The following PIK3AP1 variants were observed in gnomAD, a reference collection of about 807,000 sequenced individuals.
PIK3AP1 encodes phosphoinositide-3-kinase adaptor protein 1.
In PIK3AP1, 21 loss-of-function variants were observed where a neutral mutation model predicts 88.1. The ratio of observed to expected loss-of-function variants is 0.24; its 90% CI spans 0.17 to 0.34. PIK3AP1 has a LOEUF of 0.34. Ranked by LOEUF, PIK3AP1 falls within the 10% of genes least tolerant of loss-of-function variation. The probability of loss-of-function intolerance (pLI) is 1.00; values close to 1 mark genes in which losing one functional copy is unlikely to be tolerated. For missense variants in PIK3AP1, 828 were observed against 1,035.7 expected (o/e 0.80, Z 2.75); for synonymous variants, 398 against 400.0 (o/e 1.00, Z 0.06).
intron 2 of PIK3AP1, among the ~76,000 whole-genome samples, chr10:96,684,369 A>G (rs551056): frequency 0.11 from 17,120 of 152,276 alleles, 3,060 homozygotes; most frequent in African/African-American, 0.38. Flanking sequence ...GTTTCCTCCC[A>G]GGTGCCAACT....
chr10:96,664,631 T>C (rs1271786076), intron 2 of PIK3AP1, among the ~76,000 whole-genome samples: 1 of 152,222 alleles, frequency 6.6e-6, no homozygotes, highest in Non-Finnish European at 1.5e-5. Context: ...ATGAGATTGA[T>C]GCTAATAGTG....
chr10:96,607,451 A>G (rs775733814), intron 14 of PIK3AP1, among the ~76,000 whole-genome samples: 1 of 152,168 alleles, frequency 6.6e-6, no homozygotes, highest in African/African-American at 2.4e-5. Context: ...GGAAGCAGCT[A>G]TCTATACTAT....
chr10:96,700,530 G>T (rs918065483), intron 2 of PIK3AP1, among the ~76,000 whole-genome samples: 2 of 152,180 alleles, frequency 1.3e-5, no homozygotes, highest in Non-Finnish European at 2.9e-5. Context: ...CACTATCCCA[G>T]CTGGGTATCT....
At chr10:96,710,641 G>T (rs149371354) in intron 1 of PIK3AP1, among the ~76,000 whole-genome samples, 2 of 151,936 alleles carry the variant, frequency 1.3e-5, no homozygotes, top group Non-Finnish European at 2.9e-5. Flanking sequence ...AATAATAATC[G>T]CAACAGCAAA....
At chr10:96,655,141 C>T (rs765953569) in intron 3 of PIK3AP1, among the ~76,000 whole-genome samples, 18 of 152,334 alleles carry the variant, frequency 1.2e-4, no homozygotes, top group African/African-American at 3.4e-4. Flanking sequence ...CCACCCGCCT[C>T]GGCCTCCCAA....
intron 1 of PIK3AP1, among the ~76,000 whole-genome samples, chr10:96,711,864 T>C (rs530458667): frequency 1.3e-5 from 2 of 148,590 alleles, no homozygotes; most frequent in Admixed American, 6.8e-5. Context: ...CATTCTCCTG[T>C]CTCAGCCTCC....
intron 1 of PIK3AP1, among the ~76,000 whole-genome samples, chr10:96,718,612 C>T (rs1182308134): frequency 6.6e-6 from 1 of 152,224 alleles, no homozygotes; most frequent in Non-Finnish European, 1.5e-5. Context: ...GGTTTGCCCA[C>T]CGGACTAGGG....
Position 96,648,645 on chromosome 10 carries a change from T to C in PIK3AP1, c.1185+14A>G. 6.3e-7 allele frequency: 1 copy of C among 1,584,316 alleles called. No homozygotes were observed. Among genetic ancestry groups the C allele is most frequent in the Non-Finnish European group, 8.5e-7 (1 of 1,170,038 alleles). ...TGCATTTCCAATCCTGGGCCCCTCC[T>C]GCCTTGACCTTACCACATACTCGTC... On this transcript the variant is annotated intron_variant, in intron 7 of 16. Transcript: ENST00000339364.
intron 16 of PIK3AP1, among the ~76,000 whole-genome samples, chr10:96,601,110 C>T (rs1197029283): frequency 6.6e-6 from 1 of 152,002 alleles, no homozygotes; most frequent in African/African-American, 2.4e-5. Context: ...TTGCTGAGTT[C>T]TCACTATAGG....
intron 1 of PIK3AP1, among the ~76,000 whole-genome samples, chr10:96,719,463 G>A (rs955518366): frequency 6.6e-6 from 1 of 152,138 alleles, no homozygotes; most frequent in African/African-American, 2.4e-5. Flanking sequence ...TGTAAACACT[G>A]TAACTCTACC....
At chr10:96,649,840 G>A (rs1478901572) in intron 6 of PIK3AP1, among the ~76,000 whole-genome samples, 1 of 152,186 alleles carries the variant, frequency 6.6e-6, no homozygotes, top group Non-Finnish European at 1.5e-5. Context: ...GAGGTGCTGG[G>A]TCCCCACGGA....
intron 16 of PIK3AP1, among the ~76,000 whole-genome samples, chr10:96,597,351 CCTCCCT>C (rs1848786163): frequency 1.0e-4 from 2 of 19,470 alleles, no homozygotes; most frequent in African/African-American, 3.0e-4. Context: ...TCCCTCCCTC[CCTCCCT>C]CTCTCTCTCT....
chr10:96,704,995 C>T (rs1431057289), intron 2 of PIK3AP1, among the ~76,000 whole-genome samples: 1 of 152,114 alleles, frequency 6.6e-6, no homozygotes, highest in Non-Finnish European at 1.5e-5. Flanking sequence ...TAAAATTTAG[C>T]CTAAATTTTA....
At chr10:96,615,257 C>T (rs1444400850) in intron 13 of PIK3AP1, among the ~76,000 whole-genome samples, 1 of 152,124 alleles carries the variant, frequency 6.6e-6, no homozygotes. Flanking sequence ...GCCTTGTAGG[C>T]TGTGAGCAGG....
intron 12 of PIK3AP1, chr10:96,618,589 TAA>T (rs5787201): frequency 0.05 from 7,219 of 143,168 alleles, 203 homozygotes; most frequent in African/African-American, 0.089. Context: ...CAAGAAAATG[TAA>T]AAAAAAAAAA....
intron 13 of PIK3AP1, among the ~76,000 whole-genome samples, chr10:96,610,303 A>G (rs1849085316): frequency 6.6e-6 from 1 of 152,172 alleles, no homozygotes; most frequent in East Asian, 1.9e-4. Context: ...CCTATGCACC[A>G]AGCAGAGTTC....
intron 2 of PIK3AP1, among the ~76,000 whole-genome samples, chr10:96,700,500 T>C (rs1457043319): frequency 1.3e-5 from 2 of 152,210 alleles, no homozygotes; most frequent in Non-Finnish European, 2.9e-5. Context: ...TGTAGCTTTT[T>C]AGTGACATTG....
intron 16 of PIK3AP1, among the ~76,000 whole-genome samples, chr10:96,601,426 AT>A (rs1848889724): frequency 6.8e-6 from 1 of 146,218 alleles, no homozygotes; most frequent in Non-Finnish European, 1.5e-5. Context: ...GTGAGCCGAG[AT>A]CACACCACTG....
At chr10:96,689,085 T>G (rs1430540419) in intron 2 of PIK3AP1, among the ~76,000 whole-genome samples, 1 of 152,180 alleles carries the variant, frequency 6.6e-6, no homozygotes, top group Non-Finnish European at 1.5e-5. Context: ...ATCCTGATGT[T>G]GAAGGTTCTT....
Sources: gnomAD v4.1 joint callset for allele counts (sites outside exome capture counted in the v4.1 genomes callset) on GRCh38, gnomAD v4.1.1 for gene constraint, MANE v1.5 for transcripts, NCBI Gene and HGNC (gene_info 2026-07-23, HGNC 2026-07-21) for gene names.